ADAM18: variants seen among roughly 807,000 people sequenced by gnomAD.
ADAM18 encodes the protein disintegrin and metalloproteinase domain-containing protein 18.
In ADAM18, 117 loss-of-function variants were observed where a neutral mutation model predicts 94.4. That is an observed-to-expected ratio of 1.24 (90% CI 1.07 to 1.45). ADAM18 has a LOEUF of 1.45. Among genes scored for constraint, ADAM18 ranks in the 40% most tolerant of loss-of-function variants. The pLI is 0.00. For missense variants in ADAM18, 936 were observed against 880.0 expected (o/e 1.06, Z -0.81); for synonymous variants, 327 against 291.6 (o/e 1.12, Z -1.24).
intron 17 of ADAM18, among the ~76,000 whole-genome samples, chr8:39,702,662 A>G (rs1248540516): frequency 6.6e-6 from 1 of 152,110 alleles, no homozygotes; most frequent in East Asian, 1.9e-4. Flanking sequence ...ATTTTTGTAT[A>G]TGGTGTAAGG....
At chr8:39,607,998 A>T (rs752495094) in intron 3 of ADAM18, among the ~76,000 whole-genome samples, 4 of 152,124 alleles carry the variant, frequency 2.6e-5, no homozygotes, top group Admixed American at 6.6e-5. Flanking sequence ...CCTCATAGGT[A>T]ACATGTCCAA....
intron 7 of ADAM18, among the ~76,000 whole-genome samples, chr8:39,630,286 A>G (rs1365423069): frequency 2.0e-5 from 3 of 151,636 alleles, no homozygotes; most frequent in Non-Finnish European, 4.4e-5. Context: ...TGGAAATTCT[A>G]CTTTCAAGAA....
intron 16 of ADAM18, among the ~76,000 whole-genome samples, chr8:39,684,031 G>A (rs1585977671): frequency 6.6e-6 from 1 of 152,106 alleles, no homozygotes; most frequent in African/African-American, 2.4e-5. Context: ...TGTAGTCCCA[G>A]CTACTTGGGA....
intron 7 of ADAM18, among the ~76,000 whole-genome samples, chr8:39,636,586 T>C (rs1426801158): frequency 1.3e-5 from 2 of 152,180 alleles, no homozygotes; most frequent in Non-Finnish European, 2.9e-5. Context: ...ATGTTTAAGA[T>C]GTATACATCA....
chr8:39,638,606 A>G, intron 10 of ADAM18, 60 bp downstream of exon 10: 1 of 1,060,412 alleles, frequency 9.4e-7, no homozygotes, highest in Non-Finnish European at 1.3e-6. Flanking sequence ...ATATTTTGTA[A>G]GTATTAATTT....
intron 17 of ADAM18, among the ~76,000 whole-genome samples, chr8:39,700,996 T>C (rs1431115534): frequency 6.7e-6 from 1 of 148,950 alleles, no homozygotes; most frequent in African/African-American, 2.4e-5. Flanking sequence ...CGGGCGCCTG[T>C]AGTCCCAGCT....
At chr8:39,648,246 T>C (rs1160339896) in intron 11 of ADAM18, 98 bp from the exon 12 acceptor site, 3 of 830,182 alleles carry the variant, frequency 3.6e-6, no homozygotes, top group South Asian at 6.9e-5. Flanking sequence ...AATTTTGGGG[T>C]GGCCATCTTG....
intron 10 of ADAM18, among the ~76,000 whole-genome samples, chr8:39,639,884 T>C (rs1225473736): frequency 2.0e-5 from 3 of 152,080 alleles, no homozygotes. Flanking sequence ...ATTTTCAGTC[T>C]GGTTTCCTTT....
At chr8:39,624,916 C>A (rs1190377935) in intron 6 of ADAM18, among the ~76,000 whole-genome samples, 2 of 152,186 alleles carry the variant, frequency 1.3e-5, no homozygotes, top group Non-Finnish European at 2.9e-5. Flanking sequence ...TCCTGTACAG[C>A]CTGTGGAACC....
chr8:39,649,895 G>GCCGC (rs1820481669), intron 12 of ADAM18, among the ~76,000 whole-genome samples: 1 of 152,132 alleles, frequency 6.6e-6, no homozygotes, highest in Non-Finnish European at 1.5e-5. Context: ...AAATCCAGCT[G>GCCGC]CCGCCCGCCT....
At chr8:39,725,267 T>C (rs1822871021) in intron 19 of ADAM18, among the ~76,000 whole-genome samples, 1 of 152,082 alleles carries the variant, frequency 6.6e-6, no homozygotes, top group African/African-American at 2.4e-5. Flanking sequence ...TAAACCATCA[T>C]CACCATCAAG....
chr8:39,646,723 A>G (rs886339105), intron 11 of ADAM18, among the ~76,000 whole-genome samples: 13 of 152,306 alleles, frequency 8.5e-5, no homozygotes, highest in African/African-American at 3.1e-4. Context: ...CATTTCTCCT[A>G]GATATACTAG....
intron 2 of ADAM18, among the ~76,000 whole-genome samples, chr8:39,598,763 G>A (rs1259376816): frequency 6.3e-5 from 8 of 126,016 alleles, no homozygotes; most frequent in Non-Finnish European, 1.2e-4. Context: ...GCAAGACTCC[G>A]TCTCAAAAAA....
At chr8:39,588,780 T>C (rs1002569066) in intron 2 of ADAM18, among the ~76,000 whole-genome samples, 1 of 152,188 alleles carries the variant, frequency 6.6e-6, no homozygotes, top group Non-Finnish European at 1.5e-5. Context: ...TGAGGGAGAA[T>C]GCACACCTTG....
chr8:39,713,404 G>A (rs759579960), intron 18 of ADAM18, among the ~76,000 whole-genome samples: 5 of 152,064 alleles, frequency 3.3e-5, no homozygotes, highest in African/African-American at 4.8e-5. Flanking sequence ...ACTAAAACAC[G>A]AAAAGCAATG....
At chr8:39,608,828 G>A (rs916300365) in intron 3 of ADAM18, among the ~76,000 whole-genome samples, 3 of 152,000 alleles carry the variant, frequency 2.0e-5, no homozygotes, top group Admixed American at 1.3e-4. Flanking sequence ...CTGATGCAGA[G>A]GAATCCCAGA....
intron 14 of ADAM18, 39 bp downstream of exon 14, chr8:39,668,235 T>G: frequency 6.3e-7 from 1 of 1,583,560 alleles, no homozygotes; most frequent in East Asian, 2.2e-5. Flanking sequence ...ACCTTACATT[T>G]GCATCTCTCT....
At chr8:39,611,770 T>A (rs564596347) in intron 6 of ADAM18, among the ~76,000 whole-genome samples, 1 of 151,918 alleles carries the variant, frequency 6.6e-6, no homozygotes, top group Admixed American at 6.6e-5. Flanking sequence ...GGGAACCAAA[T>A]GTATAAAAAA....
chr8:39,686,307 G>A (rs572573949), intron 16 of ADAM18, among the ~76,000 whole-genome samples: 2 of 152,200 alleles, frequency 1.3e-5, no homozygotes, highest in East Asian at 3.9e-4. Flanking sequence ...ACAAACAAAA[G>A]GAACGTACTG....
Sources: gnomAD v4.1 joint callset for allele counts (sites outside exome capture counted in the v4.1 genomes callset) on GRCh38, gnomAD v4.1.1 for gene constraint, MANE v1.5 for transcripts, NCBI Gene and HGNC (gene_info 2026-07-23, HGNC 2026-07-21) for gene names.